GATA4: variants seen among roughly 807,000 people sequenced by gnomAD.
The protein encoded by GATA4 is GATA binding protein 4.
In GATA4, 7 loss-of-function variants were observed where a neutral mutation model predicts 37.9. The ratio of observed to expected loss-of-function variants is 0.18; its 90% CI spans 0.11 to 0.35. GATA4 has a LOEUF of 0.35. GATA4 is among the 10% of genes least tolerant of loss of function. The pLI is 1.00. For missense variants in GATA4, 647 were observed against 653.0 expected, an observed-to-expected ratio of 0.99 and a Z score of 0.10; for synonymous variants, 372 against 292.6, an observed-to-expected ratio of 1.27 and a Z score of -2.77.
intron 1 of GATA4, among the ~76,000 whole-genome samples, chr8:11,687,289 A>G (rs1406093179): frequency 6.6e-6 from 1 of 152,132 alleles, no homozygotes. Context: ...ATGGCTCCTC[A>G]GGCACAGTTT....
intron 2 of GATA4, among the ~76,000 whole-genome samples, chr8:11,736,194 C>T (rs1801444661): frequency 2.0e-5 from 3 of 152,200 alleles, no homozygotes; most frequent in East Asian, 1.9e-4. Context: ...CCAGAGCCAC[C>T]ATGCCTGGCC....
rs1259670729 is a variant in GATA4 at position 11,721,972 on chromosome 8, C to T, written c.616+13044C>T. On this transcript the variant is annotated intron_variant, in intron 2 of 6. Coordinates refer to ENST00000532059, the MANE Select transcript of GATA4 (RefSeq NM_001308093.3). ...GAACCTCTCTCACTTTGATCCATCA[C>T]CCTTCCTTTAATTTTAAGTTCAATT... Among the ~76,000 whole-genome samples, 4 of 152,132 alleles carry T rather than the reference C, an allele frequency of 2.6e-5. No homozygotes were observed. The East Asian group carries it at 7.7e-4, about 29-fold the overall frequency.
intron 2 of GATA4, among the ~76,000 whole-genome samples, chr8:11,714,175 T>C (rs945742166): frequency 6.6e-6 from 1 of 152,232 alleles, no homozygotes; most frequent in Non-Finnish European, 1.5e-5. Context: ...TTTTGTGTAA[T>C]GGAGACATAA....
At chr8:11,729,555 C>CAA (rs58397100) in intron 2 of GATA4, among the ~76,000 whole-genome samples, 47,706 of 139,538 alleles carry the variant, frequency 0.34, 9,839 homozygotes, top group Non-Finnish European at 0.49. Context: ...GACTGTGTCT[C>CAA]AAAAAAAAAA....
At chr8:11,695,180 T>G (rs1036046928) in intron 1 of GATA4, among the ~76,000 whole-genome samples, 3 of 151,792 alleles carry the variant, frequency 2.0e-5, no homozygotes, top group Admixed American at 6.6e-5. Context: ...CCGAGAGGGG[T>G]GGATCACCTG....
chr8:11,722,033 A>G (rs1162636476), intron 2 of GATA4, among the ~76,000 whole-genome samples: 1 of 152,124 alleles, frequency 6.6e-6, no homozygotes, highest in Non-Finnish European at 1.5e-5. Flanking sequence ...CATTTTTTTG[A>G]GACAGACTCT....
upstream of GATA4, chr8:11,700,900 G>T (rs913010193): frequency 1.3e-5 from 2 of 152,176 alleles, no homozygotes; most frequent in African/African-American, 4.8e-5. Flanking sequence ...GGACCCAGGC[G>T]TGGCACTTGG....
At chr8:11,689,687 C>G (rs1799250477), upstream of GATA4, among the ~76,000 whole-genome samples, 1 of 152,178 alleles carries the variant, frequency 6.6e-6, no homozygotes, top group African/African-American at 2.4e-5. Context: ...AAGCCCTCAC[C>G]CACCCCCACC....
intron 2 of GATA4, among the ~76,000 whole-genome samples, chr8:11,728,092 G>T (rs761002075): frequency 6.6e-6 from 1 of 152,158 alleles, no homozygotes; most frequent in Non-Finnish European, 1.5e-5. Flanking sequence ...CCAGGTTCAA[G>T]CGATTCTCCT....
chr8:11,756,779 G>T, intron 5 of GATA4, 156 bp from the exon 6 acceptor site: 1 of 962,586 alleles, frequency 1.0e-6, no homozygotes, highest in Non-Finnish European at 1.7e-6. Flanking sequence ...ATCCCTGTGA[G>T]AACTGTAGCC....
At chr8:11,723,345 A>C (rs937376572) in intron 2 of GATA4, among the ~76,000 whole-genome samples, 23 of 152,074 alleles carry the variant, frequency 1.5e-4, no homozygotes, top group African/African-American at 5.6e-4. Flanking sequence ...TGTGTTAAAA[A>C]AAAAAAACAA....
chr8:11,729,833 G>A (rs1288193121), intron 2 of GATA4, among the ~76,000 whole-genome samples: 2 of 152,242 alleles, frequency 1.3e-5, no homozygotes, highest in East Asian at 3.8e-4. Flanking sequence ...GAAGGAAAAT[G>A]AGGAGTTACT....
rs1244434272 is a variant in GATA4 at position 11,759,536 on chromosome 8, C to T, written c.*1061C>T. 2 of 152,260 alleles carry T rather than the reference C, an allele frequency of 1.3e-5. No individual in the cohort carries two copies. Among genetic ancestry groups the T allele is most frequent in the East Asian group, 1.9e-4 (1 of 5,202 alleles). 9.4% of individuals were successfully genotyped at this position (152,260 alleles called of 1,614,324 possible). On this transcript the variant is annotated 3_prime_UTR_variant, in exon 7 of 7. Coordinates refer to ENST00000532059, the MANE Select transcript of GATA4 (RefSeq NM_001308093.3). ...CTCGCCCCGGCAGAAGTCTTTTGTC[C>T]AGGAGGCAAAAAGCCAGAGATTCTG...
intron 2 of GATA4, among the ~76,000 whole-genome samples, chr8:11,727,068 C>T (rs1054709246): frequency 1.3e-5 from 2 of 152,212 alleles, no homozygotes; most frequent in South Asian, 4.1e-4. Context: ...CCATGCCTCT[C>T]AGCCTCATCA....
At chr8:11,710,415 G>A (rs1478436545) in intron 2 of GATA4, among the ~76,000 whole-genome samples, 4 of 152,050 alleles carry the variant, frequency 2.6e-5, no homozygotes, top group Admixed American at 2.6e-4. Context: ...CGCGCTTACG[G>A]GGTCCTCTCC....
intron 2 of GATA4, among the ~76,000 whole-genome samples, chr8:11,731,102 A>G (rs966534701): frequency 3.3e-5 from 5 of 152,220 alleles, no homozygotes; most frequent in African/African-American, 1.2e-4. Flanking sequence ...CTTGGTCAGC[A>G]AGAGAATAAT....
At chr8:11,757,122 GAGGCCGACTGC>G in intron 6 of GATA4, 39 bp downstream of exon 6, 1 of 1,610,420 alleles carries the variant, frequency 6.2e-7, no homozygotes, top group Non-Finnish European at 8.5e-7. Flanking sequence ...TGTTTGTGGG[GAGGCCGACTGC>G]AGAGTCCCAG....
At chr8:11,730,585 C>T (rs545654230) in intron 2 of GATA4, among the ~76,000 whole-genome samples, 4 of 152,164 alleles carry the variant, frequency 2.6e-5, no homozygotes, top group South Asian at 2.1e-4. Context: ...GTGCAGACAG[C>T]GAAGAGGAGG....
chr8:11,734,349 G>C (rs751863487), intron 2 of GATA4, among the ~76,000 whole-genome samples: 1 of 152,308 alleles, frequency 6.6e-6, no homozygotes, highest in South Asian at 2.1e-4. Context: ...ATTTCTCAAA[G>C]TTCTGGAAGC....
Sources: allele counts gnomAD v4.1 joint callset (sites outside exome capture counted in the v4.1 genomes callset), GRCh38; gene constraint gnomAD v4.1.1; transcripts MANE v1.5; gene names NCBI Gene and HGNC (gene_info 2026-07-23, HGNC 2026-07-21).